GLI2: variants seen among roughly 807,000 people sequenced by gnomAD.
GLI2 encodes GLI family zinc finger 2.
In GLI2, 22 loss-of-function variants were observed where a neutral mutation model predicts 78.9. That is an observed-to-expected ratio of 0.28 (90% CI 0.20 to 0.40). GLI2 has a LOEUF of 0.40. GLI2 is among the 10% of genes least tolerant of loss of function. The pLI is 1.00. For synonymous variants in GLI2, 974 were observed against 963.7 expected (o/e 1.01, Z -0.20); for missense variants, 2,097 against 2,213.2 (o/e 0.95, Z 1.05).
chr2:120,960,233 T>G (rs932587722), intron 5 of GLI2, among the ~76,000 whole-genome samples: 2 of 152,162 alleles, frequency 1.3e-5, no homozygotes, highest in Non-Finnish European at 2.9e-5. Flanking sequence ...AGAATGCCTG[T>G]CCCGACCTGA....
chr2:120,775,729 G>A (rs1039134119), intron 1 of GLI2, among the ~76,000 whole-genome samples: 5 of 152,346 alleles, frequency 3.3e-5, no homozygotes, highest in South Asian at 4.1e-4. Flanking sequence ...AACTCTCTGT[G>A]GACTTGGGTT....
intron 1 of GLI2, among the ~76,000 whole-genome samples, chr2:120,777,179 G>A (rs781077977): frequency 1.2e-4 from 19 of 152,206 alleles, no homozygotes; most frequent in South Asian, 2.1e-4. Flanking sequence ...ATGACTATGC[G>A]TGTGTGTGAT....
chr2:120,738,659 T>C (rs1682439238), intron 1 of GLI2, among the ~76,000 whole-genome samples: 1 of 152,114 alleles, frequency 6.6e-6, no homozygotes, highest in Non-Finnish European at 1.5e-5. Flanking sequence ...CAAAGCCTCT[T>C]GGAGAGAATT....
intron 1 of GLI2, among the ~76,000 whole-genome samples, chr2:120,779,981 A>G (rs1478234858): frequency 1.3e-5 from 2 of 152,002 alleles, no homozygotes; most frequent in African/African-American, 4.8e-5. Context: ...GGGGAAAGAA[A>G]ACAACACCCG....
At chr2:120,982,949 T>C in intron 11 of GLI2, 69 bp downstream of exon 11, 1 of 1,504,606 alleles carries the variant, frequency 6.6e-7, no homozygotes. Context: ...CTTCCAGGCA[T>C]CTGTAGTCCA....
At chr2:120,927,514 A>C (rs899323110) in intron 3 of GLI2, 48 bp downstream of exon 3, 1 of 1,309,950 alleles carries the variant, frequency 7.6e-7, no homozygotes, top group African/African-American at 1.4e-5. Flanking sequence ...GTCACCTGCC[A>C]TGGGGAGGCT....
At chr2:120,804,587 A>AGG (rs1684858287) in intron 2 of GLI2, among the ~76,000 whole-genome samples, 1 of 131,466 alleles carries the variant, frequency 7.6e-6, no homozygotes, top group African/African-American at 2.8e-5. Flanking sequence ...CTTGGACCTG[A>AGG]TGCACCCAGG....
chr2:120,812,072 G>A (rs577897073), intron 2 of GLI2, among the ~76,000 whole-genome samples: 146 of 152,314 alleles, frequency 9.6e-4, no homozygotes, highest in Middle Eastern at 3.4e-3. Flanking sequence ...ATGGGGGATC[G>A]GCGGCCTCAG....
rs1468428369 is a variant in GLI2 at position 120,900,541 on chromosome 2, C to T, written c.149-26820C>T. On this transcript the variant is annotated intron_variant, in intron 2 of 13. Transcript: ENST00000361492. The stretch of plus-strand genomic sequence containing the variant: ...ACCCTGTGCATAGGATCTGAGAACT[C>T]GCTGCCTTGGTTTCCCTTCTGCACC... 1.3e-5 allele frequency among the ~76,000 whole-genome samples: 2 copies of T among 152,208 alleles called. 1 individual carries two copies. The highest frequency in any genetic ancestry group is 2.9e-5 in the Non-Finnish European group (2 of 68,046).
chr2:120,970,365 C>A (rs772017200), intron 6 of GLI2, 28 bp from the exon 7 acceptor site: 1 of 1,286,882 alleles, frequency 7.8e-7, no homozygotes, highest in South Asian at 1.2e-5. Flanking sequence ...TCCCCCACCC[C>A]CACTTCCTTG....
chr2:120,882,265 C>T (rs958823929), intron 2 of GLI2, among the ~76,000 whole-genome samples: 43 of 152,230 alleles, frequency 2.8e-4, no homozygotes, highest in African/African-American at 8.7e-4. Context: ...GCAGCCAGGG[C>T]GTGAGGCCTT....
chr2:120,837,595 T>A (rs1392859242), intron 2 of GLI2, among the ~76,000 whole-genome samples: 2 of 152,180 alleles, frequency 1.3e-5, no homozygotes, highest in Non-Finnish European at 1.5e-5. Context: ...CTTGAGGTCA[T>A]ACGGCTATTC....
At chr2:120,896,691 ACC>A (rs1558865706) in intron 2 of GLI2, among the ~76,000 whole-genome samples, 1 of 116,316 alleles carries the variant, frequency 8.6e-6, no homozygotes, top group Non-Finnish European at 1.7e-5. Context: ...ACTCACACAC[ACC>A]CATACACACA....
intron 3 of GLI2, among the ~76,000 whole-genome samples, chr2:120,943,781 G>A (rs1573645489): frequency 6.6e-6 from 1 of 152,224 alleles, no homozygotes; most frequent in African/African-American, 2.4e-5. Flanking sequence ...GAGTGGGACA[G>A]CCCGCCCTGA....
chr2:120,951,810 G>A (rs147112368), intron 4 of GLI2: 11 of 189,700 alleles, frequency 5.8e-5, no homozygotes, highest in South Asian at 1.8e-4. Flanking sequence ...GAAGGAAGGC[G>A]GAGTGGGCTG....
At chr2:120,945,480 G>A (rs1414032069) in intron 3 of GLI2, among the ~76,000 whole-genome samples, 1 of 152,210 alleles carries the variant, frequency 6.6e-6, no homozygotes, top group Non-Finnish European at 1.5e-5. Flanking sequence ...ACAGGCCCGA[G>A]CACTTATGGC....
At chr2:120,859,788 C>G (rs1447942846) in intron 2 of GLI2, among the ~76,000 whole-genome samples, 5 of 144,300 alleles carry the variant, frequency 3.5e-5, no homozygotes, top group Non-Finnish European at 6.0e-5. Context: ...TGGAGTTTTG[C>G]TCTTGTCACC....
At chr2:120,941,310 C>T (rs536578445) in intron 3 of GLI2, among the ~76,000 whole-genome samples, 1 of 152,348 alleles carries the variant, frequency 6.6e-6, no homozygotes, top group South Asian at 2.1e-4. Flanking sequence ...ATTTCTAGAA[C>T]TTTTTAAAAC....
At chr2:120,828,280 C>T (rs913838047) in intron 2 of GLI2, among the ~76,000 whole-genome samples, 4 of 152,350 alleles carry the variant, frequency 2.6e-5, no homozygotes, top group East Asian at 1.9e-4. Context: ...TAGTTCTCCC[C>T]GCTCTCTCAC....
Sources: gnomAD v4.1 joint callset for allele counts (sites outside exome capture counted in the v4.1 genomes callset) on GRCh38, gnomAD v4.1.1 for gene constraint, MANE v1.5 for transcripts, NCBI Gene and HGNC (gene_info 2026-07-23, HGNC 2026-07-21) for gene names.